RP1L1: variants seen among roughly 807,000 people sequenced by gnomAD.
RP1L1 encodes RP1 like 1, also known as retinitis pigmentosa 1-like 1 protein.
Under a neutral mutation model 15.7 loss-of-function variants are expected in RP1L1, and 27 were observed. The ratio of observed to expected loss-of-function variants is 1.72; its 90% confidence interval spans 1.27 to 2.38. The LOEUF is 2.38. Among genes scored for constraint, RP1L1 ranks in the 30% most tolerant of loss-of-function variants. The pLI is 0.00. For synonymous variants in RP1L1, 1,813 were observed against 1,276.7 expected (o/e 1.42, Z -8.96); for missense variants, 4,798 against 3,075.9 (o/e 1.56, Z -13.24).
In RP1L1 at chr8:10,608,296, C is replaced by T. The variant is rs752992057; in HGVS notation, c.5802G>A (p.Glu1934=). The T allele has an allele frequency of 6.9e-6, 11 of 1,599,274 alleles. No individual in the cohort carries two copies. The South Asian group carries it at 8.9e-5, about 13-fold the overall frequency. Reference sequence around the variant, plus strand: ...CCTCTTGGGCCTCTGCACCTTCTGACTCTGGCTCGTCCTCCCCTTCAGTCT... The same window carrying T: ...CCTCTTGGGCCTCTGCACCTTCTGATTCTGGCTCGTCCTCCCCTTCAGTCT... ...ALETEGEDEP[E]SEGAEAQEAE... is the part of the protein sequence containing the mutation. The change falls in exon 4 of 4, where the codon GAG becomes GAA. Residue 1934 remains glutamate (E), a synonymous_variant. Transcript: ENST00000382483.
At chr8:10,614,675 A>G (rs1318495154) in intron 3 of RP1L1, among the ~76,000 whole-genome samples, 7 of 151,236 alleles carry the variant, frequency 4.6e-5, no homozygotes, top group East Asian at 1.9e-4. Flanking sequence ...AAAAAAAAAA[A>G]AAAAGAAAAG....
rs1797854288 is a variant in RP1L1 at position 10,611,517 on chromosome 8, G to T, written c.2581C>A (p.Pro861Thr). 2 of 1,579,684 alleles carry T rather than the reference G, an allele frequency of 1.3e-6. No homozygotes were observed. Among genetic ancestry groups the T allele is most frequent in the Non-Finnish European group, 1.7e-6 (2 of 1,164,366 alleles). ...CTGGAAGAGCGCCTCTGGGGGCAGGGCCGCCCCCTGGGCGGGGTGGGACAG... is the reference window on the plus strand; with the variant it reads ...CTGGAAGAGCGCCTCTGGGGGCAGGTCCGCCCCCTGGGCGGGGTGGGACAG... The part of the protein sequence containing the change: ...RYCPTPPRGR[P>T]CPQRRSSSCG... The change falls in exon 4 of 4, where the codon CCC becomes ACC. Residue 861 changes from proline (P) to threonine (T), a missense_variant. Coordinates refer to ENST00000382483, the MANE Select transcript of RP1L1 (RefSeq NM_178857.6).
intron 1 of RP1L1, among the ~76,000 whole-genome samples, chr8:10,646,115 G>C (rs149671220): frequency 6.6e-6 from 1 of 152,204 alleles, no homozygotes; most frequent in African/African-American, 2.4e-5. Flanking sequence ...GGCTGCACTG[G>C]GAAGGGCAGA....
At chr8:10,618,014 C>T (rs1797998733) in intron 2 of RP1L1, among the ~76,000 whole-genome samples, 1 of 152,164 alleles carries the variant, frequency 6.6e-6, no homozygotes, top group Non-Finnish European at 1.5e-5. Flanking sequence ...ATGCCACTAA[C>T]TCAAAAGCAT....
At chr8:10,637,866 C>A (rs1191204681) in intron 1 of RP1L1, among the ~76,000 whole-genome samples, 1 of 152,176 alleles carries the variant, frequency 6.6e-6, no homozygotes, top group Non-Finnish European at 1.5e-5. Context: ...AAAGGAAACA[C>A]AAACTCCAGG....
chr8:10,626,717 T>C (rs781274167), intron 1 of RP1L1, among the ~76,000 whole-genome samples: 4 of 152,000 alleles, frequency 2.6e-5, no homozygotes, highest in African/African-American at 9.7e-5. Flanking sequence ...TATTAACACA[T>C]GGAAAAAACC....
At chr8:10,626,245 T>TG (rs35051048) in intron 1 of RP1L1, among the ~76,000 whole-genome samples, 55,579 of 151,390 alleles carry the variant, frequency 0.37, 11,757 homozygotes, top group East Asian at 0.53. Context: ...AGCGGGAGGA[T>TG]GGGGGAGGCT....
intron 1 of RP1L1, among the ~76,000 whole-genome samples, chr8:10,633,088 G>A (rs534326280): frequency 2.0e-5 from 3 of 152,284 alleles, no homozygotes; most frequent in Admixed American, 6.5e-5. Flanking sequence ...CCAACAGCAC[G>A]GCGACGTTCC....
In RP1L1 at chr8:10,614,609, C is replaced by T. The variant is rs571997222; in HGVS notation, c.752-1263G>A. ...CCGAGAGGCGGAGGTTGCAGTGAGC[C>T]TAGATCGCATCACTGCACTCCAGCC... On this transcript the variant is annotated intron_variant, in intron 3 of 3. Transcript: ENST00000382483. Among the ~76,000 whole-genome samples, 7 of 140,496 alleles carry T rather than the reference C, an allele frequency of 5.0e-5. No individual in the cohort carries two copies. The East Asian group carries it at 1.2e-3, about 24-fold the overall frequency. The allele number at this position is 140,496 out of a possible 152,430, so 92.2% of individuals were successfully genotyped here.
intron 1 of RP1L1, among the ~76,000 whole-genome samples, chr8:10,650,846 C>A (rs1422876360): frequency 6.6e-6 from 1 of 152,200 alleles, no homozygotes; most frequent in Non-Finnish European, 1.5e-5. Context: ...GGATTACAGG[C>A]ATGAGCCACC....
chr8:10,637,557 G>A (rs910093121), intron 1 of RP1L1, among the ~76,000 whole-genome samples: 5 of 152,158 alleles, frequency 3.3e-5, no homozygotes, highest in Admixed American at 6.5e-5. Context: ...TGTAGCCTGG[G>A]CAACAGAGTG....
chr8:10,613,297 C>G lies in RP1L1; in HGVS notation c.801G>C (p.Pro267=), dbSNP rs369475833. ...CTGGCAGCCGTGGCGTGCTGCCTGG[C>G]GGAGACCGCGAATGGATCACACTCG... ...TKPSVIHSRS[P]PGSTPRLPER... The change falls in exon 4 of 4, where the codon CCG becomes CCC. Residue 267 remains proline (P), a synonymous_variant. Transcript: ENST00000382483. 14 of 1,603,492 alleles carry G rather than the reference C, an allele frequency of 8.7e-6. No homozygotes were observed. In the African/African-American group the frequency reaches 1.6e-4, roughly 18 times the overall value.
chr8:10,618,362 C>T lies in RP1L1; in HGVS notation c.610-1775G>A, dbSNP rs192274884. On this transcript the variant is annotated intron_variant, in intron 2 of 3. Transcript: ENST00000382483. ...TAAAAATACAAAGAAAAAAAAATTA[C>T]TTGAGCGTGGTGGTAGACGCCTGTA... 2.4e-3 allele frequency among the ~76,000 whole-genome samples: 358 copies of T among 152,102 alleles called. 1 individual carries two copies. Among genetic ancestry groups the T allele is most frequent in the Non-Finnish European group, 4.2e-3 (283 of 67,988 alleles).
chr8:10,632,548 C>G (rs1410386721), intron 1 of RP1L1, among the ~76,000 whole-genome samples: 2 of 152,232 alleles, frequency 1.3e-5, no homozygotes, highest in Non-Finnish European at 2.9e-5. Context: ...TGTCTCCGCT[C>G]CTCTCATTCT....
chr8:10,630,179 G>A (rs1798219818), intron 1 of RP1L1, among the ~76,000 whole-genome samples: 1 of 152,230 alleles, frequency 6.6e-6, no homozygotes, highest in South Asian at 2.1e-4. Flanking sequence ...ACCCCCAGCT[G>A]GGAGTGCAGT....
rs550736333 is a variant in RP1L1, at chr8:10,606,817, C to G, written c.*78G>C. 4 of 1,602,686 alleles carry G rather than the reference C, an allele frequency of 2.5e-6. 1 individual carries two copies. Among genetic ancestry groups the G allele is most frequent in the South Asian group, 2.2e-5 (2 of 89,980 alleles). On this transcript the variant is annotated 3_prime_UTR_variant, in exon 4 of 4. Coordinates refer to ENST00000382483, the MANE Select transcript of RP1L1 (RefSeq NM_178857.6). ...CTATGGACATCTCCAGTGGACTGAA[C>G]GTTGCTCAGTTTTGTAGAAAAAATA...
Position 10,616,111 on chromosome 8 carries a change from G to A in RP1L1, c.751+335C>T, listed in dbSNP as rs191203163. 7.2e-5 allele frequency among the ~76,000 whole-genome samples: 11 copies of A among 151,964 alleles called. No individual in the cohort carries two copies. In the East Asian group the frequency reaches 2.1e-3, roughly 29 times the overall value. On this transcript the variant is annotated intron_variant, in intron 3 of 3. Transcript: ENST00000382483. ...TTTTTTAGAGACAGTGTCTCATTATGTTGCCCAGGCGGGTGTCCAACTCCT... is the reference window on the plus strand; with the variant it reads ...TTTTTTAGAGACAGTGTCTCATTATATTGCCCAGGCGGGTGTCCAACTCCT...
intron 1 of RP1L1, among the ~76,000 whole-genome samples, chr8:10,644,067 T>G (rs866857715): frequency 5.9e-5 from 9 of 151,992 alleles, no homozygotes; most frequent in African/African-American, 2.2e-4. Flanking sequence ...GAAGGCTATG[T>G]TGGGTTCCAA....
chr8:10,628,701 A>C (rs1213683190), intron 1 of RP1L1, among the ~76,000 whole-genome samples: 1 of 152,240 alleles, frequency 6.6e-6, no homozygotes, highest in East Asian at 1.9e-4. Flanking sequence ...AAATTTTCCC[A>C]ATGATAGTTC....
Sources: allele counts gnomAD v4.1 joint callset (sites outside exome capture counted in the v4.1 genomes callset), GRCh38; gene constraint gnomAD v4.1.1; transcripts MANE v1.5; gene names NCBI Gene and HGNC (gene_info 2026-07-23, HGNC 2026-07-21).